Variants in RFPL2 observed in about 807,000 individuals in gnomAD.
RFPL2 encodes the protein ret finger protein-like 2.
Under a neutral mutation model 17.8 loss-of-function variants are expected in RFPL2, and 13 were observed. The observed-to-expected ratio is 0.73, with a 90% CI of 0.47 to 1.16. The LOEUF is 1.16. Ranked by LOEUF, RFPL2 falls within the 50% of genes most tolerant of loss-of-function variation. The pLI is 0.00. For synonymous variants in RFPL2, 189 were observed against 180.9 expected (o/e 1.04, Z -0.36); for missense variants, 431 against 479.3 (o/e 0.90, Z 0.94).
Position 32,204,948 on chromosome 22 carries a change from T to C in RFPL2, c.-341A>G, listed in dbSNP as rs1172958236. On this transcript the variant is annotated 5_prime_UTR_variant, in exon 1 of 5. Transcript: ENST00000652607. ...AGCCCGATCAGAGTAGGCCTAGAGG[T>C]TTCTCTCATCCGATCAGACTATGTA... Among the ~76,000 whole-genome samples, 2 of 152,126 alleles carry C rather than the reference T, an allele frequency of 1.3e-5. No homozygotes were observed. The highest frequency in any genetic ancestry group is 1.3e-4 in the Admixed American group (2 of 15,276).
At chr22:32,198,465 A>G (rs1311031599) in intron 2 of RFPL2, among the ~76,000 whole-genome samples, 1 of 143,696 alleles carries the variant, frequency 7.0e-6, no homozygotes, top group African/African-American at 2.5e-5. Flanking sequence ...TTCCTGAATC[A>G]CGGCTGCAAG....
rs1484325978 is a variant in RFPL2, at chr22:32,190,811, G to A, written c.1098C>T (p.Gly366=). Reference sequence around the variant, plus strand: ...CAGGACGGACTGGAGCATCAGTAGTGCCTGAGTTCATCAAAGGACAGATGC... The same window carrying A: ...CAGGACGGACTGGAGCATCAGTAGTACCTGAGTTCATCAAAGGACAGATGC... ...VLSICPLMNS[G]TTDAPVRPGE... Residue 366 remains glycine (G), a synonymous_variant, in exon 5 of 5, where the codon GGC becomes GGT. Coordinates refer to ENST00000652607, the MANE Select transcript of RFPL2 (RefSeq NM_001394555.1). The A allele has an allele frequency of 2.3e-5, 36 of 1,546,092 alleles. No homozygotes were observed. Among genetic ancestry groups the A allele is most frequent in the Non-Finnish European group, 3.1e-5 (36 of 1,145,252 alleles).
Position 32,193,306 on chromosome 22 carries a change from TC to T in RFPL2, c.266-115del, listed in dbSNP as rs149160271. On this transcript the variant is annotated intron_variant, in intron 3 of 4. Transcript: ENST00000652607. ...AGGTATTGTGTTCCAGCTTTGTCAC[TC>T]CGAGAATAAGACCATGAGTACAAAC... is the stretch of plus-strand genomic sequence containing the variant. 5.3e-3 allele frequency: 8,432 copies of T among 1,594,642 alleles called. 245 individuals carry two copies. In the African/African-American group the frequency reaches 0.065, roughly 12 times the overall value.
chr22:32,195,028 T>G (rs1255479130), intron 2 of RFPL2, among the ~76,000 whole-genome samples: 2 of 152,248 alleles, frequency 1.3e-5, no homozygotes, highest in African/African-American at 4.8e-5. Context: ...TTGTGAAACC[T>G]GTGTTTTCAA....
chr22:32,198,867 G>T (rs908143095), intron 2 of RFPL2, among the ~76,000 whole-genome samples: 3 of 152,128 alleles, frequency 2.0e-5, no homozygotes, highest in Non-Finnish European at 4.4e-5. Flanking sequence ...GGGCCAGGTT[G>T]CTTCCCTAAA....
At chr22:32,197,050 A>G (rs1244639386) in intron 2 of RFPL2, among the ~76,000 whole-genome samples, 1 of 152,222 alleles carries the variant, frequency 6.6e-6, no homozygotes, top group Non-Finnish European at 1.5e-5. Context: ...CTGTCTAAAT[A>G]GTTTTGTGGC....
chr22:32,191,171 G>A lies in RFPL2; in HGVS notation c.738C>T (p.Asp246=), dbSNP rs749206718. The A allele has an allele frequency of 6.2e-6, 10 of 1,613,748 alleles. No individual in the cohort carries two copies. Among genetic ancestry groups the A allele is most frequent in the South Asian group, 5.5e-5 (5 of 91,064 alleles). ...FTCGRHCWEV[D]VGTSTEWDLG... ...GGTCCCATTCTGTGCTTGTTCCCAC[G>A]TCCACCTCCCAGCAGTGGCGGCCAC... is the stretch of plus-strand genomic sequence containing the variant. Residue 246 remains aspartate (D), a synonymous_variant, in exon 5 of 5, where the codon GAC becomes GAT. Coordinates refer to ENST00000652607, the MANE Select transcript of RFPL2 (RefSeq NM_001394555.1).
chr22:32,198,817 A>T (rs1569353122), intron 2 of RFPL2, among the ~76,000 whole-genome samples: 1 of 151,832 alleles, frequency 6.6e-6, no homozygotes, highest in Non-Finnish European at 1.5e-5. Flanking sequence ...AGGCCGGGTG[A>T]CCTACACAGG....
intron 2 of RFPL2, among the ~76,000 whole-genome samples, chr22:32,198,400 A>G (rs1173885267): frequency 6.8e-6 from 1 of 146,886 alleles, no homozygotes; most frequent in African/African-American, 2.5e-5. Flanking sequence ...AAGGGCAGGC[A>G]GGTATGTGTG....
intron 2 of RFPL2, chr22:32,199,971 GC>G (rs1302819314): frequency 1.9e-6 from 1 of 537,958 alleles, no homozygotes; most frequent in Admixed American, 2.0e-5. Context: ...CCTCTGAGGA[GC>G]TCCAAGCCAA....
intron 1 of RFPL2, chr22:32,203,595 T>G (rs951276528): frequency 6.9e-6 from 1 of 145,054 alleles, no homozygotes; most frequent in Admixed American, 6.9e-5. Flanking sequence ...ACCCAGCCAC[T>G]GGCAGTCCGC....
At position 32,194,504 on chromosome 22, in the gene RFPL2, A is replaced by G; in HGVS notation, c.120-14T>C. ...AACCTGATGAGGCTTTGATTTAATT[A>G]TAACAGGGAATTAGGTTTTTACTGG... is the stretch of plus-strand genomic sequence containing the variant. On this transcript the variant is annotated splice_polypyrimidine_tract_variant and intron_variant, in intron 2 of 4. Coordinates refer to ENST00000652607, the MANE Select transcript of RFPL2 (RefSeq NM_001394555.1). 2 of 1,606,220 alleles carry G rather than the reference A, an allele frequency of 1.2e-6. No individual in the cohort carries two copies. The highest frequency in any genetic ancestry group is 2.1e-4 in the Middle Eastern group (1 of 4,778).
intron 1 of RFPL2, among the ~76,000 whole-genome samples, 176 bp downstream of exon 1, chr22:32,204,531 C>G (rs974386774): frequency 2.6e-5 from 4 of 152,238 alleles, no homozygotes; most frequent in Non-Finnish European, 5.9e-5. Context: ...TCCAACCTGT[C>G]CCCCTCCCCG....
rs1555978645 is a variant in RFPL2, at chr22:32,190,970, G to A, written c.939C>T (p.Gly313=). The stretch of plus-strand genomic sequence containing the variant: ...CATCAAAAAAGGAAACGTTCTGCAT[G>A]CCCATATCCAGAAAAATCCCCACTC... The part of the protein sequence containing the change: ...LQRVGIFLDM[G]MQNVSFFDAE... Residue 313 remains glycine, a synonymous_variant, in exon 5 of 5, where the codon GGC becomes GGT. Transcript: ENST00000652607. 3 of 1,607,912 alleles carry A rather than the reference G, an allele frequency of 1.9e-6. No individual in the cohort carries two copies.
At chr22:32,202,902 C>T in intron 1 of RFPL2, 2 of 999,428 alleles carry the variant, frequency 2.0e-6, no homozygotes, top group Non-Finnish European at 2.4e-6. Context: ...CTACTGCGTG[C>T]CCCGGGGTCC....
At position 32,191,068 on chromosome 22, in the gene RFPL2, A is replaced by C; in HGVS notation, c.841T>G (p.Leu281Val). 1 of 1,613,926 alleles carries C rather than the reference A, an allele frequency of 6.2e-7. No individual in the cohort carries two copies. The highest frequency in any genetic ancestry group is 8.5e-7 in the Non-Finnish European group (1 of 1,179,856). The change falls in exon 5 of 5, where the codon TTG becomes GTG. Residue 281 changes from leucine (L) to valine (V), a missense_variant. By Grantham distance (32) the Leu-to-Val change is conservative. Coordinates refer to ENST00000652607, the MANE Select transcript of RFPL2 (RefSeq NM_001394555.1). ...GCAGAGAGGCGGCCTCCATCCCTCA[A>C]ACTCACAGTCCAGAATCCAAGCTCT... is the stretch of plus-strand genomic sequence containing the variant. ...TTELGFWTVSLRDGGRLSATT... is the reference protein window; with the variant it reads ...TTELGFWTVSVRDGGRLSATT...
intron 1 of RFPL2, chr22:32,203,119 C>A (rs1924121043): frequency 1.0e-6 from 1 of 982,008 alleles, no homozygotes; most frequent in Non-Finnish European, 1.2e-6. Flanking sequence ...CAGTGCAGTC[C>A]CAGATGGCGC....
At chr22:32,197,571 C>T (rs550975932) in intron 2 of RFPL2, among the ~76,000 whole-genome samples, 36 of 152,270 alleles carry the variant, frequency 2.4e-4, no homozygotes, top group African/African-American at 3.6e-4. Context: ...CCCCATCCCA[C>T]GACAGGCCCT....
chr22:32,199,137 G>A (rs1267675288), intron 2 of RFPL2, among the ~76,000 whole-genome samples: 1 of 152,170 alleles, frequency 6.6e-6, no homozygotes, highest in Non-Finnish European at 1.5e-5. Context: ...GCCCTCTCCA[G>A]GTTTCCGTGG....
Sources: gnomAD v4.1 joint callset for allele counts (sites outside exome capture counted in the v4.1 genomes callset) on GRCh38, gnomAD v4.1.1 for gene constraint, MANE v1.5 for transcripts, NCBI Gene and HGNC (gene_info 2026-07-23, HGNC 2026-07-21) for gene names.